Variants in MICAL2 observed in about 807,000 individuals in gnomAD.
MICAL2 encodes the protein [F-actin]-monooxygenase MICAL2.
Under a neutral mutation model 127.3 loss-of-function variants are expected in MICAL2, and 77 were observed. The ratio of observed to expected loss-of-function variants is 0.60; its 90% CI spans 0.50 to 0.73. The LOEUF (loss-of-function observed/expected upper bound fraction) is 0.73, where lower values mean the gene tolerates loss of function less well. Among genes scored for constraint, MICAL2 ranks in the 30% least tolerant of loss-of-function variants. The probability of loss-of-function intolerance (pLI) is 0.00; values close to 1 mark genes in which losing one functional copy is unlikely to be tolerated. For synonymous variants in MICAL2, 570 were observed against 551.1 expected (o/e 1.03, Z -0.48); for missense variants, 1,351 against 1,434.4 (o/e 0.94, Z 0.94).
At chr11:12,134,015 G>T (rs1461964044) in intron 1 of MICAL2, among the ~76,000 whole-genome samples, 1 of 152,236 alleles carries the variant, frequency 6.6e-6, no homozygotes, top group Non-Finnish European at 1.5e-5. Flanking sequence ...TGAGGAGGTG[G>T]TGTGCATGGG....
At chr11:12,251,053 A>G (rs933021066) in intron 22 of MICAL2, among the ~76,000 whole-genome samples, 4 of 152,184 alleles carry the variant, frequency 2.6e-5, no homozygotes, top group African/African-American at 7.2e-5. Flanking sequence ...TAATCCCATG[A>G]TTATAGCAAG....
chr11:12,323,732 A>G (rs907982317), intron 30 of MICAL2, among the ~76,000 whole-genome samples: 14 of 152,196 alleles, frequency 9.2e-5, no homozygotes, highest in Non-Finnish European at 1.5e-4. Flanking sequence ...TTAAAATTCA[A>G]TTTCTAATCC....
At chr11:12,143,613 C>A (rs962995300) in intron 2 of MICAL2, among the ~76,000 whole-genome samples, 1 of 152,130 alleles carries the variant, frequency 6.6e-6, no homozygotes, top group African/African-American at 2.4e-5. Flanking sequence ...GTGGGACGGG[C>A]CACACCAACA....
intron 1 of MICAL2, among the ~76,000 whole-genome samples, chr11:12,132,954 G>A (rs1258307943): frequency 6.6e-6 from 1 of 152,226 alleles, no homozygotes; most frequent in Non-Finnish European, 1.5e-5. Context: ...GGAAGAAGGC[G>A]CTTGCCTGTG....
intron 32 of MICAL2, among the ~76,000 whole-genome samples, chr11:12,333,572 G>C (rs2134866247): frequency 6.6e-6 from 1 of 152,150 alleles, no homozygotes; most frequent in African/African-American, 2.4e-5. Context: ...GGTTTGGAAA[G>C]AAAGAAAAAA....
intron 3 of MICAL2, among the ~76,000 whole-genome samples, chr11:12,176,698 G>A (rs1003477587): frequency 7.2e-5 from 11 of 152,036 alleles, no homozygotes; most frequent in East Asian, 1.9e-4. Flanking sequence ...TTTGATTACC[G>A]AAGTATCTCA....
chr11:12,163,220 C>T (rs112588774), intron 3 of MICAL2, among the ~76,000 whole-genome samples: 3 of 152,158 alleles, frequency 2.0e-5, no homozygotes, highest in Non-Finnish European at 2.9e-5. Flanking sequence ...TCTGAAATGC[C>T]CAGCACCAGA....
intron 13 of MICAL2, chr11:12,225,906 C>T (rs1183730371): frequency 8.0e-6 from 4 of 500,512 alleles, no homozygotes; most frequent in African/African-American, 5.7e-5. Flanking sequence ...CATAAATGTT[C>T]CCAAGAGGTT....
intron 3 of MICAL2, among the ~76,000 whole-genome samples, chr11:12,188,654 T>C (rs1858647326): frequency 6.6e-6 from 1 of 152,152 alleles, no homozygotes; most frequent in South Asian, 2.1e-4. Context: ...GACACTAAAA[T>C]TGGAGGGCTT....
chr11:12,242,531 C>T, intron 19 of MICAL2, 99 bp downstream of exon 19: 2 of 1,436,212 alleles, frequency 1.4e-6, no homozygotes, highest in South Asian at 2.4e-5. Flanking sequence ...TCCCTCTGCC[C>T]ACCCCCTGTC....
At chr11:12,297,383 C>T (rs1032961176) in intron 29 of MICAL2, among the ~76,000 whole-genome samples, 1 of 152,018 alleles carries the variant, frequency 6.6e-6, no homozygotes, top group Non-Finnish European at 1.5e-5. Context: ...TTGGGTTTTT[C>T]TTAATAGTAT....
Position 12,188,020 on chromosome 11 carries a change from A to C in MICAL2, c.265-16230A>C, listed in dbSNP as rs371039767. Among the ~76,000 whole-genome samples, 119 of 152,138 alleles carry C rather than the reference A, an allele frequency of 7.8e-4. 1 individual carries two copies. Among genetic ancestry groups the C allele is most frequent in the African/African-American group, 2.8e-3 (118 of 41,506 alleles). ...TTTCCTCCTCCTCCTCCTCCCATCC[A>C]TATATGTGGGCAATTCCCTCCTTTT... On this transcript the variant is annotated intron_variant, in intron 3 of 27. Coordinates refer to ENST00000683283, the MANE Select transcript of MICAL2 (RefSeq NM_001282663.2).
intron 3 of MICAL2, among the ~76,000 whole-genome samples, chr11:12,171,219 C>T (rs1163880623): frequency 6.6e-6 from 1 of 152,160 alleles, no homozygotes; most frequent in Non-Finnish European, 1.5e-5. Context: ...CTGAGCCTCC[C>T]TTTTCTTGGA....
intron 7 of MICAL2, among the ~76,000 whole-genome samples, chr11:12,214,798 C>A (rs1705511008): frequency 6.6e-6 from 1 of 151,860 alleles, no homozygotes; most frequent in Admixed American, 6.6e-5. Flanking sequence ...GGCCCACAGG[C>A]CAGAAATATT....
At chr11:12,128,739 G>A (rs909006691) in intron 1 of MICAL2, among the ~76,000 whole-genome samples, 1 of 152,150 alleles carries the variant, frequency 6.6e-6, no homozygotes, top group Non-Finnish European at 1.5e-5. Flanking sequence ...ACCCATTTTG[G>A]TTTCCCAAAA....
chr11:12,143,624 G>A (rs1205422223), intron 2 of MICAL2, among the ~76,000 whole-genome samples: 2 of 152,166 alleles, frequency 1.3e-5, no homozygotes, highest in Admixed American at 1.3e-4. Context: ...CACACCAACA[G>A]TTCATATTTA....
chr11:12,245,246 CTG>C (rs1349751953), intron 21 of MICAL2, among the ~76,000 whole-genome samples: 1 of 152,210 alleles, frequency 6.6e-6, no homozygotes, highest in Non-Finnish European at 1.5e-5. Context: ...CTGTGCTTCT[CTG>C]TTCACAGCCA....
At chr11:12,244,918 T>C (rs935207379) in intron 21 of MICAL2, among the ~76,000 whole-genome samples, 1 of 152,220 alleles carries the variant, frequency 6.6e-6, no homozygotes, top group Non-Finnish European at 1.5e-5. Flanking sequence ...CTCTGTGTTC[T>C]AGAAGTACAG....
At chr11:12,146,129 C>A (rs1362288447) in intron 2 of MICAL2, among the ~76,000 whole-genome samples, 2 of 152,122 alleles carry the variant, frequency 1.3e-5, no homozygotes, top group East Asian at 3.9e-4. Flanking sequence ...AAAACCTAGG[C>A]AATACCATTC....
Sources: allele counts gnomAD v4.1 joint callset (sites outside exome capture counted in the v4.1 genomes callset), GRCh38; gene constraint gnomAD v4.1.1; transcripts MANE v1.5; gene names NCBI Gene and HGNC (gene_info 2026-07-23, HGNC 2026-07-21).